The following ADAMTSL3 variants were observed in gnomAD, a reference collection of about 807,000 sequenced individuals.
ADAMTSL3 encodes the protein ADAMTS-like protein 3.
ADAMTSL3 carries 128 observed loss-of-function variants against 201.7 expected under a neutral mutation model. The observed-to-expected ratio is 0.63, with a 90% CI of 0.55 to 0.73. ADAMTSL3 has a LOEUF of 0.73. Ranked by LOEUF, ADAMTSL3 falls within the 30% of genes least tolerant of loss-of-function variation. The probability of loss-of-function intolerance (pLI) is 0.00; values close to 1 mark genes in which losing one functional copy is unlikely to be tolerated. For missense variants in ADAMTSL3, 1,990 were observed against 2,119.6 expected (o/e 0.94, Z 1.20); for synonymous variants, 738 against 748.4 (o/e 0.99, Z 0.23).
At chr15:84,023,190 T>A (rs940724260) in intron 26 of ADAMTSL3, among the ~76,000 whole-genome samples, 1 of 152,190 alleles carries the variant, frequency 6.6e-6, no homozygotes, top group Admixed American at 6.5e-5. Context: ...ATTTATGAAA[T>A]CAATGAATGA....
chr15:84,034,141 G>C, intron 28 of ADAMTSL3, among the ~76,000 whole-genome samples: 1 of 152,100 alleles, frequency 6.6e-6, no homozygotes, highest in Non-Finnish European at 1.5e-5. Context: ...GAGGGATGAA[G>C]TTGGTTAGTA....
intron 3 of ADAMTSL3, among the ~76,000 whole-genome samples, chr15:83,737,907 T>C (rs2062393289): frequency 6.6e-6 from 1 of 152,214 alleles, no homozygotes; most frequent in South Asian, 2.1e-4. Context: ...TAGTAATACT[T>C]TGTATTAGAA....
At chr15:83,682,529 A>G (rs1234116685) in intron 2 of ADAMTSL3, among the ~76,000 whole-genome samples, 1 of 152,172 alleles carries the variant, frequency 6.6e-6, no homozygotes, top group Non-Finnish European at 1.5e-5. Flanking sequence ...AGAAGAGCCT[A>G]CCAATGTCAC....
At chr15:83,666,855 AAAAGAAAAGAAATAG>A (rs1266043957) in intron 2 of ADAMTSL3, among the ~76,000 whole-genome samples, 1 of 151,956 alleles carries the variant, frequency 6.6e-6, no homozygotes, top group Non-Finnish European at 1.5e-5. Flanking sequence ...GAAAAAAAAA[AAAAGAAAAGAAATAG>A]AAAAATAAAT....
intron 2 of ADAMTSL3, among the ~76,000 whole-genome samples, chr15:83,689,423 T>C (rs1243406700): frequency 6.6e-6 from 1 of 152,234 alleles, no homozygotes; most frequent in Non-Finnish European, 1.5e-5. Flanking sequence ...AGTTTACCAT[T>C]TGAGTATGTA....
At chr15:83,901,733 AG>A (rs772809760) in intron 15 of ADAMTSL3, among the ~76,000 whole-genome samples, 3 of 148,942 alleles carry the variant, frequency 2.0e-5, no homozygotes, top group Non-Finnish European at 4.5e-5. Flanking sequence ...CAACTGTATA[AG>A]GAAGGCATTA....
At chr15:83,840,000 TATCATGG>T in intron 7 of ADAMTSL3, among the ~76,000 whole-genome samples, 1 of 152,228 alleles carries the variant, frequency 6.6e-6, no homozygotes, top group South Asian at 2.1e-4. Context: ...CATGCTAGGT[TATCATGG>T]CTGATAGCAA....
At chr15:83,747,234 TGAG>T (rs968124406) in intron 3 of ADAMTSL3, among the ~76,000 whole-genome samples, 25 of 152,234 alleles carry the variant, frequency 1.6e-4, no homozygotes, top group African/African-American at 6.0e-4. Context: ...TGGCCATTTC[TGAG>T]GTTTGCTGCC....
At chr15:83,823,993 TCTC>T (rs2063957960) in intron 6 of ADAMTSL3, among the ~76,000 whole-genome samples, 1 of 140,742 alleles carries the variant, frequency 7.1e-6, no homozygotes, top group African/African-American at 2.7e-5. Context: ...TCCTCCTCCT[TCTC>T]CTTCTTCTTC....
intron 7 of ADAMTSL3, among the ~76,000 whole-genome samples, chr15:83,857,876 C>A (rs2064773712): frequency 6.6e-6 from 1 of 152,120 alleles, no homozygotes; most frequent in African/African-American, 2.4e-5. Flanking sequence ...TGATAATGTT[C>A]TAGTTTCATT....
chr15:83,974,878 G>A (rs893840262), intron 20 of ADAMTSL3, among the ~76,000 whole-genome samples: 1 of 151,918 alleles, frequency 6.6e-6, no homozygotes, highest in Non-Finnish European at 1.5e-5. Flanking sequence ...ACCCAGGCAT[G>A]CCCTATTTTA....
intron 6 of ADAMTSL3, among the ~76,000 whole-genome samples, chr15:83,828,403 C>T (rs903107221): frequency 6.6e-6 from 1 of 152,158 alleles, no homozygotes; most frequent in African/African-American, 2.4e-5. Flanking sequence ...CTGAAGTTGC[C>T]TATCAGCTTA....
intron 23 of ADAMTSL3, among the ~76,000 whole-genome samples, chr15:84,011,294 A>G (rs536157060): frequency 3.9e-5 from 6 of 152,196 alleles, no homozygotes; most frequent in Admixed American, 6.5e-5. Context: ...AAGGAAATTT[A>G]TATACCAAAA....
chr15:83,805,040 T>A (rs1210343878), intron 5 of ADAMTSL3, among the ~76,000 whole-genome samples: 1 of 152,208 alleles, frequency 6.6e-6, no homozygotes, highest in African/African-American at 2.4e-5. Context: ...CAGCTATTTC[T>A]CTTTTGCGAG....
At chr15:83,841,142 C>T (rs1289860205) in intron 7 of ADAMTSL3, among the ~76,000 whole-genome samples, 1 of 152,170 alleles carries the variant, frequency 6.6e-6, no homozygotes, top group African/African-American at 2.4e-5. Flanking sequence ...AGGCAGGAAA[C>T]CAAGTAGTTA....
At chr15:83,921,332 G>C (rs950644988) in intron 16 of ADAMTSL3, among the ~76,000 whole-genome samples, 3 of 152,160 alleles carry the variant, frequency 2.0e-5, no homozygotes, top group African/African-American at 7.2e-5. Flanking sequence ...CTTCAAGAAA[G>C]CATAGTGTAT....
chr15:83,972,347 A>G (rs1302875630), intron 20 of ADAMTSL3, among the ~76,000 whole-genome samples: 1 of 152,184 alleles, frequency 6.6e-6, no homozygotes, highest in Non-Finnish European at 1.5e-5. Flanking sequence ...GTCTCCTGGA[A>G]TTCAGGAGTG....
intron 3 of ADAMTSL3, among the ~76,000 whole-genome samples, chr15:83,706,732 C>A (rs116258962): frequency 6.6e-6 from 1 of 152,024 alleles, no homozygotes; most frequent in African/African-American, 2.4e-5. Context: ...CCTCAACCTC[C>A]CCACCCACAC....
intron 23 of ADAMTSL3, among the ~76,000 whole-genome samples, chr15:83,999,704 C>T (rs2141856407): frequency 6.6e-6 from 1 of 152,064 alleles, no homozygotes; most frequent in African/African-American, 2.4e-5. Flanking sequence ...GCAAGGAGGC[C>T]CTTTGATATC....
Sources: gnomAD v4.1 joint callset for allele counts (sites outside exome capture counted in the v4.1 genomes callset) on GRCh38, gnomAD v4.1.1 for gene constraint, MANE v1.5 for transcripts, NCBI Gene and HGNC (gene_info 2026-07-23, HGNC 2026-07-21) for gene names.